The following DCC variants were observed in gnomAD, a reference collection of about 807,000 sequenced individuals.
DCC encodes the protein netrin receptor DCC.
A neutral mutation model predicts 172.5 loss-of-function variants in DCC; 58 were observed. That is an observed-to-expected ratio of 0.34 (90% CI 0.27 to 0.42). DCC has a LOEUF of 0.42. Among genes scored for constraint, DCC ranks in the 10% least tolerant of loss-of-function variants. The pLI is 1.00. For missense variants in DCC, 1,740 were observed against 1,791.0 expected (o/e 0.97, Z 0.51); for synonymous variants, 709 against 644.5 (o/e 1.10, Z -1.52).
chr18:53,477,606 C>T lies in DCC; in HGVS notation c.3737-9191C>T, dbSNP rs549410048. Among the ~76,000 whole-genome samples the T allele has an allele frequency of 6.3e-4, 96 of 152,106 alleles. 3 individuals carry two copies. In the South Asian group the frequency reaches 0.019, roughly 31 times the overall value. ...TATAAGATTGTTATTTTCTTTCTTC[C>T]TTGACATTTCTTATTATGTGCTATA... On this transcript the variant is annotated intron_variant, in intron 25 of 28. Transcript: ENST00000442544.
chr18:52,977,079 T>A (rs1383760792), intron 5 of DCC, among the ~76,000 whole-genome samples: 2 of 152,192 alleles, frequency 1.3e-5, no homozygotes, highest in African/African-American at 4.8e-5. Flanking sequence ...GTCTAGGTAA[T>A]AAAATACATG....
chr18:52,905,892 T>G, intron 2 of DCC, 152 bp from the exon 3 acceptor site: 1 of 681,280 alleles, frequency 1.5e-6, no homozygotes, highest in East Asian at 2.7e-5. Context: ...AGACAGAAAA[T>G]GTGGTAAAGT....
At chr18:52,737,805 TACAGCCA>T (rs1372867364) in intron 1 of DCC, among the ~76,000 whole-genome samples, 3 of 152,152 alleles carry the variant, frequency 2.0e-5, no homozygotes, top group African/African-American at 7.2e-5. Context: ...CACCTGGATG[TACAGCCA>T]ACAGACCAAT....
chr18:52,597,527 C>A (rs1227097427), intron 1 of DCC, among the ~76,000 whole-genome samples: 3 of 152,116 alleles, frequency 2.0e-5, no homozygotes, highest in Non-Finnish European at 4.4e-5. Flanking sequence ...TTTTTCTGTT[C>A]AACCTTCCTT....
At chr18:52,618,486 T>A (rs1262017524) in intron 1 of DCC, among the ~76,000 whole-genome samples, 3 of 152,198 alleles carry the variant, frequency 2.0e-5, no homozygotes, top group Admixed American at 1.3e-4. Flanking sequence ...TCTGTACAGA[T>A]AAATGTAATA....
chr18:52,723,119 C>G (rs147078496), intron 1 of DCC, among the ~76,000 whole-genome samples: 6 of 152,172 alleles, frequency 3.9e-5, no homozygotes, highest in African/African-American at 1.4e-4. Context: ...CTACCCCTCC[C>G]TCCCTTTCTC....
At chr18:53,216,597 G>C (rs1001100174) in intron 12 of DCC, among the ~76,000 whole-genome samples, 2 of 152,094 alleles carry the variant, frequency 1.3e-5, no homozygotes, top group Non-Finnish European at 2.9e-5. Context: ...TGACTTGATA[G>C]TGATTCCTTC....
chr18:52,842,021 T>C (rs200106082), intron 2 of DCC, among the ~76,000 whole-genome samples: 20 of 136,836 alleles, frequency 1.5e-4, no homozygotes, highest in South Asian at 9.8e-4. Context: ...TATATATATA[T>C]ACATATATAT....
At chr18:52,487,115 A>G (rs762093549) in intron 1 of DCC, among the ~76,000 whole-genome samples, 1 of 152,168 alleles carries the variant, frequency 6.6e-6, no homozygotes. Flanking sequence ...AATGCTTCCA[A>G]TGCTGTGGAC....
chr18:53,421,760 A>C (rs563753293), intron 21 of DCC, among the ~76,000 whole-genome samples: 1 of 152,316 alleles, frequency 6.6e-6, no homozygotes, highest in South Asian at 2.1e-4. Context: ...AGACTAAATT[A>C]TCTTTTGGTT....
chr18:52,902,530 G>A (rs1259667086), intron 2 of DCC, among the ~76,000 whole-genome samples: 2 of 151,962 alleles, frequency 1.3e-5, no homozygotes, highest in Non-Finnish European at 2.9e-5. Flanking sequence ...ATGAAGCTTG[G>A]GAATCATTTG....
intron 2 of DCC, among the ~76,000 whole-genome samples, chr18:52,785,884 C>T (rs1434675609): frequency 2.0e-5 from 3 of 149,812 alleles, no homozygotes. Context: ...AAACAACCAA[C>T]TATTATTTTT....
At chr18:53,016,136 C>T (rs1029735459) in intron 5 of DCC, among the ~76,000 whole-genome samples, 1 of 152,050 alleles carries the variant, frequency 6.6e-6, no homozygotes, top group Non-Finnish European at 1.5e-5. Context: ...TGTCCATCTT[C>T]TCAAGCTCCA....
chr18:52,568,727 A>G (rs58205246), intron 1 of DCC, among the ~76,000 whole-genome samples: 10,398 of 152,222 alleles, frequency 0.068, 446 homozygotes, highest in Middle Eastern at 0.11. Context: ...AGATGTACCC[A>G]TAGACAAAAA....
At chr18:52,395,881 A>G (rs1986206739) in intron 1 of DCC, among the ~76,000 whole-genome samples, 1 of 151,976 alleles carries the variant, frequency 6.6e-6, no homozygotes, top group Admixed American at 6.6e-5. Flanking sequence ...AGCTCAACCT[A>G]TTCCACAACC....
chr18:52,981,817 T>C (rs1487024871), intron 5 of DCC, among the ~76,000 whole-genome samples: 1 of 152,170 alleles, frequency 6.6e-6, no homozygotes, highest in Non-Finnish European at 1.5e-5. Flanking sequence ...CATCAAAAGA[T>C]AATTATCAAT....
At chr18:52,649,011 C>T (rs1171778520) in intron 1 of DCC, among the ~76,000 whole-genome samples, 1 of 152,126 alleles carries the variant, frequency 6.6e-6, no homozygotes, top group Non-Finnish European at 1.5e-5. Flanking sequence ...TCTATTTCTA[C>T]AACAAATATC....
intron 1 of DCC, among the ~76,000 whole-genome samples, chr18:52,418,535 G>A (rs1256834840): frequency 1.3e-5 from 2 of 152,166 alleles, no homozygotes; most frequent in African/African-American, 4.8e-5. Context: ...ATTTCCAAAT[G>A]GCTCAAAGAT....
Position 53,426,242 on chromosome 18 carries a change from T to C in DCC, c.3164-8902T>C, listed in dbSNP as rs185991191. Among the ~76,000 whole-genome samples the C allele has an allele frequency of 5.2e-3, 754 of 145,888 alleles. 6 individuals carry two copies. Among genetic ancestry groups the C allele is most frequent in the African/African-American group, 0.018 (706 of 40,138 alleles). ...AAATATATATGTATGTGTCTGTGTA[T>C]TTATATATTTATATATAAATACATA... On this transcript the variant is annotated intron_variant, in intron 21 of 28. Coordinates refer to ENST00000442544, the MANE Select transcript of DCC (RefSeq NM_005215.4).
Sources: gnomAD v4.1 joint callset for allele counts (sites outside exome capture counted in the v4.1 genomes callset) on GRCh38, gnomAD v4.1.1 for gene constraint, MANE v1.5 for transcripts, NCBI Gene and HGNC (gene_info 2026-07-23, HGNC 2026-07-21) for gene names.